PRR12: variants seen among roughly 807,000 people sequenced by gnomAD.
PRR12 encodes proline rich 12, also known as proline-rich protein 12.
A neutral mutation model predicts 138.0 loss-of-function variants in PRR12; 12 were observed. The ratio of observed to expected loss-of-function variants is 0.09; its 90% CI spans 0.06 to 0.14. PRR12 has a LOEUF of 0.14. Ranked by LOEUF, PRR12 falls within the 10% of genes least tolerant of loss-of-function variation. The pLI is 1.00. For synonymous variants in PRR12, 1,567 were observed against 1,291.7 expected (o/e 1.21, Z -4.57); for missense variants, 2,692 against 2,861.3 (o/e 0.94, Z 1.35).
At chr19:49,617,948 A>G (rs916059538) in intron 9 of PRR12, among the ~76,000 whole-genome samples, 6 of 152,074 alleles carry the variant, frequency 3.9e-5, no homozygotes, top group African/African-American at 1.4e-4. Flanking sequence ...AAATAAAAAA[A>G]TTAGCCGGGT....
chr19:49,600,481 A>C (rs1379035856), intron 5 of PRR12, among the ~76,000 whole-genome samples: 3 of 116,768 alleles, frequency 2.6e-5, no homozygotes, highest in Admixed American at 8.1e-5. Context: ...GGGAGTGTTC[A>C]AAAAAAAAAA....
chr19:49,614,432 C>G lies in PRR12; in HGVS notation c.4774-101C>G. 1.3e-6 allele frequency: 1 copy of G among 754,048 alleles called. No homozygotes were observed. Among genetic ancestry groups the G allele is most frequent in the Non-Finnish European group, 2.1e-6 (1 of 475,442 alleles). The allele number at this position is 754,048 out of a possible 1,614,324, so 46.7% of individuals were successfully genotyped here. A position where few individuals can be genotyped will look rare whatever the true frequency, so the allele number is the denominator to read the frequency against. ...TGTTGTTGACGTGTCTGCCTTTTCT[C>G]TAAGGGGATGGTGAGGGAAGCCAGT... is the stretch of plus-strand genomic sequence containing the variant. On this transcript the variant is annotated intron_variant, in intron 6 of 13. Coordinates refer to ENST00000418929, the MANE Select transcript of PRR12 (RefSeq NM_020719.3). This position sits in a 1 kb window ranked among gnomAD's most constrained non-coding sequence, Gnocchi z 5.0.
intron 6 of PRR12, among the ~76,000 whole-genome samples, chr19:49,612,728 G>A (rs1465279689): frequency 6.6e-6 from 1 of 152,002 alleles, no homozygotes; most frequent in African/African-American, 2.4e-5. Context: ...GCAGTGCTGT[G>A]ATCTCAGCTC....
In PRR12 at chr19:49,593,435, G is replaced by T. The variant is rs774073946; in HGVS notation, c.195G>T (p.Pro65=). ...AAAGCTATGCCACCAACCACCACCC[G>T]GCAGGTACGGCCCCCATCCCGCCCC... ...PLQSYATNHH[P]AGLSGLFDTG... The change falls in exon 2 of 14, where the codon CCG becomes CCT. Residue 65 remains proline, a synonymous_variant. Transcript: ENST00000418929. 6.5e-7 allele frequency: 1 copy of T among 1,540,932 alleles called. No individual in the cohort carries two copies. Among genetic ancestry groups the T allele is most frequent in the Admixed American group, 1.7e-5 (1 of 57,360 alleles).
Position 49,597,591 on chromosome 19 carries a change from C to A in PRR12, c.3256C>A (p.Pro1086Thr). The stretch of plus-strand genomic sequence containing the variant: ...CTTCCACCTGCTGCGGCGCCGCGAC[C>A]CACCCTTCCAGACCCCCAAGAAGCT... ...SSFHLLRRRDPPFQTPKKLYA... is the reference protein window; with the variant it reads ...SSFHLLRRRDTPFQTPKKLYA... The change falls in exon 4 of 14, where the codon CCA becomes ACA. Residue 1086 changes from proline to threonine, a missense_variant. Physicochemically the swap from Pro to Thr is conservative, Grantham distance 38. This residue lies in a region of PRR12 where 840 missense variants were observed against 689.8 expected (regional missense o/e 1.22). Coordinates refer to ENST00000418929, the MANE Select transcript of PRR12 (RefSeq NM_020719.3). This position sits in a 1 kb window ranked among gnomAD's most constrained non-coding sequence, Gnocchi z 6.3. 6.2e-7 allele frequency: 1 copy of A among 1,608,598 alleles called. No individual in the cohort carries two copies. The highest frequency in any genetic ancestry group is 8.5e-7 in the Non-Finnish European group (1 of 1,178,414).
intron 9 of PRR12, among the ~76,000 whole-genome samples, chr19:49,619,776 A>G (rs956347735): frequency 6.7e-6 from 1 of 149,422 alleles, no homozygotes; most frequent in Non-Finnish European, 1.5e-5. Flanking sequence ...TCCCGACCTC[A>G]GGTGATCTGC....
chr19:49,620,341 C>T lies in PRR12; in HGVS notation c.5498-11C>T. ...TTGGGATAACGAGCCTGCGTCCTGT[C>T]TTTTCTGCAGAGCGGGCAGTACCTG... On this transcript the variant is annotated splice_polypyrimidine_tract_variant and intron_variant, in intron 9 of 13. Coordinates refer to ENST00000418929, the MANE Select transcript of PRR12 (RefSeq NM_020719.3). 2 of 1,613,012 alleles carry T rather than the reference C, an allele frequency of 1.2e-6. No homozygotes were observed. The highest frequency in any genetic ancestry group is 1.7e-6 in the Non-Finnish European group (2 of 1,179,516).
Position 49,599,769 on chromosome 19 carries a change from A to T in PRR12, c.4176A>T (p.Arg1392=), listed in dbSNP as rs1036378952. The T allele has an allele frequency of 3.7e-6, 6 of 1,613,498 alleles. No homozygotes were observed. Among genetic ancestry groups the T allele is most frequent in the Non-Finnish European group, 3.4e-6 (4 of 1,179,892 alleles). ...AGGAAGACTCTGTCGCCAAGAACCG[A>T]GACCTGCAGGAGAGCATCTCCTCCG... The part of the protein sequence containing the change: ...SDEEDSVAKN[R]DLQESISSAI... Residue 1392 remains arginine, a synonymous_variant, in exon 5 of 14, where the codon CGA becomes CGT. Coordinates refer to ENST00000418929, the MANE Select transcript of PRR12 (RefSeq NM_020719.3). The surrounding 1 kb of genome is among the most constrained non-coding windows in gnomAD (Gnocchi z 5.0).
chr19:49,596,299 C>T lies in PRR12; in HGVS notation c.1964C>T (p.Thr655Ile). The change falls in exon 4 of 14, where the codon ACC becomes ATC. Residue 655 changes from threonine (T) to isoleucine (I), a missense_variant. Coordinates refer to ENST00000418929, the MANE Select transcript of PRR12 (RefSeq NM_020719.3). This position sits in a 1 kb window ranked among gnomAD's most constrained non-coding sequence, Gnocchi z 5.6. ...HLLQAPSPPRTSGADGLVGED... is the reference protein window; with the variant it reads ...HLLQAPSPPRISGADGLVGED... ...TTGCAGGCGCCCAGCCCTCCTCGGACCTCAGGGGCGGACGGCTTGGTGGGC... is the reference window on the plus strand; with the variant it reads ...TTGCAGGCGCCCAGCCCTCCTCGGATCTCAGGGGCGGACGGCTTGGTGGGC... The T allele has an allele frequency of 1.2e-6, 2 of 1,611,514 alleles. No homozygotes were observed. The highest frequency in any genetic ancestry group is 1.7e-4 in the Middle Eastern group (1 of 6,050).
In PRR12 at chr19:49,603,866, G is replaced by A. The variant is rs371927587; in HGVS notation, c.4773+1948G>A. ...CTTTTTTTGAGACGGAGTCGCCCAGGCTGGAGTGCAGTGACGCAATCTCGG... is the reference window on the plus strand; with the variant it reads ...CTTTTTTTGAGACGGAGTCGCCCAGACTGGAGTGCAGTGACGCAATCTCGG... On this transcript the variant is annotated intron_variant, in intron 6 of 13. Coordinates refer to ENST00000418929, the MANE Select transcript of PRR12 (RefSeq NM_020719.3). Among the ~76,000 whole-genome samples the A allele has an allele frequency of 2.0e-5, 3 of 151,722 alleles. No homozygotes were observed. In the South Asian group the frequency reaches 6.3e-4, roughly 32 times the overall value.
intron 11 of PRR12, among the ~76,000 whole-genome samples, chr19:49,623,586 C>T (rs1426833909): frequency 6.6e-6 from 1 of 150,596 alleles, no homozygotes; most frequent in Non-Finnish European, 1.5e-5. Flanking sequence ...GAGCCAAGGT[C>T]GCGCCACTGC....
Position 49,625,396 on chromosome 19 carries a change from C to T in PRR12, c.5965-65C>T. The T allele has an allele frequency of 1.3e-6, 2 of 1,509,382 alleles. No homozygotes were observed. The highest frequency in any genetic ancestry group is 1.8e-6 in the Non-Finnish European group (2 of 1,122,224). 93.5% of individuals were successfully genotyped at this position (1,509,382 alleles called of 1,614,324 possible). ...CATCTGACACCCCAGGCCCCATGCC[C>T]CAGCCCCTTCCCTCCCCAGAGGCCG... On this transcript the variant is annotated intron_variant, in intron 13 of 13. Transcript: ENST00000418929. This position sits in a 1 kb window ranked among gnomAD's most constrained non-coding sequence, Gnocchi z 5.5.
At chr19:49,598,944 GC>G (rs2080793685) in intron 4 of PRR12, among the ~76,000 whole-genome samples, 1 of 152,160 alleles carries the variant, frequency 6.6e-6, no homozygotes, top group Non-Finnish European at 1.5e-5. Flanking sequence ...ACAGGCACGA[GC>G]CACCTCACCC....
At chr19:49,617,346 G>A (rs77072845) in intron 9 of PRR12, among the ~76,000 whole-genome samples, 3,005 of 152,238 alleles carry the variant, frequency 0.02, 151 homozygotes, top group East Asian at 0.13. Flanking sequence ...TAAAGATGGG[G>A]GCTGGGTGTG....
Position 49,597,244 on chromosome 19 carries a change from A to G in PRR12, c.2909A>G (p.Asp970Gly), listed in dbSNP as rs1332599769. The G allele has an allele frequency of 6.4e-7, 1 of 1,571,292 alleles. No homozygotes were observed. Among genetic ancestry groups the G allele is most frequent in the Non-Finnish European group, 8.6e-7 (1 of 1,158,780 alleles). The change falls in exon 4 of 14, where the codon GAC becomes GGC. Residue 970 changes from aspartate (D) to glycine (G), a missense_variant. Asp to Gly is a moderately conservative substitution (Grantham distance 94, BLOSUM62 -1). Around this residue, in one of 11 missense-constraint regions of PRR12, gnomAD observed 840 missense variants for 689.8 expected, o/e 1.22. Coordinates refer to ENST00000418929, the MANE Select transcript of PRR12 (RefSeq NM_020719.3). This position sits in a 1 kb window ranked among gnomAD's most constrained non-coding sequence, Gnocchi z 6.3. ...TACGGCAAGGCCGGGCCACCTGAGG[A>G]CGAGGGGGACCCCAAGGCTGGCGCT... ...DDYGKAGPPE[D>G]EGDPKAGAGP... is the part of the protein sequence containing the mutation.
In PRR12 at chr19:49,597,659, C is replaced by T. The variant is rs1475330720; in HGVS notation, c.3324C>T (p.Ala1108=). The T allele has an allele frequency of 3.7e-6, 6 of 1,605,144 alleles. No homozygotes were observed. The highest frequency in any genetic ancestry group is 2.2e-5 in the East Asian group (1 of 44,456). The change falls in exon 4 of 14, where the codon GCC becomes GCT. Residue 1108 remains alanine (A), a synonymous_variant. Coordinates refer to ENST00000418929, the MANE Select transcript of PRR12 (RefSeq NM_020719.3). This position sits in a 1 kb window ranked among gnomAD's most constrained non-coding sequence, Gnocchi z 6.3. The part of the protein sequence containing the change: ...EYEFEADEDK[A]DVPADIRLNP... ...AGTTCGAGGCGGACGAGGACAAGGC[C>T]GATGTTCCCGCCGACATCCGCCTCA...
In PRR12 at chr19:49,597,668, C is replaced by T. The variant is rs375082996; in HGVS notation, c.3333C>T (p.Pro1111=). 8 of 1,605,266 alleles carry T rather than the reference C, an allele frequency of 5.0e-6. No individual in the cohort carries two copies. The highest frequency in any genetic ancestry group is 2.7e-5 in the African/African-American group (2 of 74,732). ...CGGACGAGGACAAGGCCGATGTTCC[C>T]GCCGACATCCGCCTCAACCCCCGGC... is the stretch of plus-strand genomic sequence containing the variant. ...FEADEDKADV[P]ADIRLNPRRL... The change falls in exon 4 of 14, where the codon CCC becomes CCT. Residue 1111 remains proline, a synonymous_variant. Coordinates refer to ENST00000418929, the MANE Select transcript of PRR12 (RefSeq NM_020719.3). This position sits in a 1 kb window ranked among gnomAD's most constrained non-coding sequence, Gnocchi z 6.3.
chr19:49,607,361 G>GCGCACACACACACACACACACACACA (rs1555742564), intron 6 of PRR12, among the ~76,000 whole-genome samples: 58 of 147,864 alleles, frequency 3.9e-4, no homozygotes, highest in Middle Eastern at 7.1e-3. Context: ...ATGTACGTGT[G>GCGCACACACACACACACACACACACA]CACACACACA....
Position 49,597,113 on chromosome 19 carries a change from C to T in PRR12, c.2778C>T (p.Phe926=), listed in dbSNP as rs1055726503. Residue 926 remains phenylalanine (F), a synonymous_variant, in exon 4 of 14, where the codon TTC becomes TTT. Coordinates refer to ENST00000418929, the MANE Select transcript of PRR12 (RefSeq NM_020719.3). This position sits in a 1 kb window ranked among gnomAD's most constrained non-coding sequence, Gnocchi z 6.3. ...CGCAAGGCACCAAGGCGCCGCGTTTCGTGCCGCTCACCTCCATCTGCTTCC... is the reference window on the plus strand; with the variant it reads ...CGCAAGGCACCAAGGCGCCGCGTTTTGTGCCGCTCACCTCCATCTGCTTCC... ...PSPQGTKAPR[F]VPLTSICFPD... is the part of the protein sequence containing the mutation. 9.7e-6 allele frequency: 15 copies of T among 1,550,892 alleles called. 1 individual carries two copies. Among genetic ancestry groups the T allele is most frequent in the Non-Finnish European group, 7.8e-6 (9 of 1,147,398 alleles).
Sources: gnomAD v4.1 joint callset for allele counts (sites outside exome capture counted in the v4.1 genomes callset) on GRCh38, gnomAD v4.1.1 for gene constraint, gnomAD v4.1.1 regional missense constraint, Gnocchi (gnomAD v3.1) non-coding constraint, MANE v1.5 for transcripts, NCBI Gene and HGNC (gene_info 2026-07-23, HGNC 2026-07-21) for gene names.